The following PARN variants were observed in gnomAD, a reference collection of about 807,000 sequenced individuals.
The protein encoded by PARN is poly(A)-specific ribonuclease PARN.
In PARN, 71 loss-of-function variants were observed where a neutral mutation model predicts 102.8. The ratio of observed to expected loss-of-function variants is 0.69; its 90% CI spans 0.57 to 0.84. The LOEUF is 0.84. Among genes scored for constraint, PARN ranks in the 40% least tolerant of loss-of-function variants. The pLI, the probability that PARN is intolerant of heterozygous loss-of-function variation, is 0.00. For missense variants in PARN, 782 were observed against 760.9 expected (o/e 1.03, Z -0.33); for synonymous variants, 261 against 252.9 (o/e 1.03, Z -0.30).
At chr16:14,503,299 A>G (rs1432554577) in intron 21 of PARN, among the ~76,000 whole-genome samples, 1 of 152,210 alleles carries the variant, frequency 6.6e-6, no homozygotes, top group Non-Finnish European at 1.5e-5. Flanking sequence ...TAGGTGCACA[A>G]ACAACACTCA....
intron 12 of PARN, among the ~76,000 whole-genome samples, chr16:14,598,235 T>C (rs1311754267): frequency 6.6e-6 from 1 of 152,144 alleles, no homozygotes; most frequent in South Asian, 2.1e-4. Flanking sequence ...AAATTTTAAA[T>C]GTCCGGATCG....
At chr16:14,555,750 T>C in intron 18 of PARN, 41 bp from the exon 19 acceptor site, 1 of 1,048,906 alleles carries the variant, frequency 9.5e-7, no homozygotes, top group South Asian at 1.8e-5. Flanking sequence ...GCAATTTCCT[T>C]TAAAAGACAG....
intron 21 of PARN, among the ~76,000 whole-genome samples, chr16:14,503,350 A>G (rs775687028): frequency 2.2e-4 from 33 of 152,230 alleles, no homozygotes; most frequent in Non-Finnish European, 2.9e-5. Context: ...AGCAATTCTG[A>G]AAAGAGCTGA....
chr16:14,617,759 G>A (rs888821195), intron 5 of PARN, 109 bp from the exon 6 acceptor site: 2 of 724,528 alleles, frequency 2.8e-6, no homozygotes, highest in Non-Finnish European at 5.0e-6. Flanking sequence ...TGGGAAGGAA[G>A]CGATGTGCCA....
At chr16:14,623,601 C>T (rs1367357019) in intron 5 of PARN, among the ~76,000 whole-genome samples, 1 of 151,768 alleles carries the variant, frequency 6.6e-6, no homozygotes, top group Non-Finnish European at 1.5e-5. Context: ...CACTGGAAGG[C>T]CAAGGCGGGT....
intron 21 of PARN, among the ~76,000 whole-genome samples, chr16:14,535,978 C>G (rs1340815120): frequency 1.3e-5 from 2 of 151,966 alleles, no homozygotes; most frequent in East Asian, 1.9e-4. Flanking sequence ...TGCTGTGTTC[C>G]TTTACTTATT....
chr16:14,596,975 T>C (rs948435012), intron 12 of PARN, among the ~76,000 whole-genome samples: 1 of 152,012 alleles, frequency 6.6e-6, no homozygotes, highest in Non-Finnish European at 1.5e-5. Flanking sequence ...TCATTAGAGA[T>C]GGTATTTCAC....
chr16:14,594,152 A>G (rs1466951496), intron 12 of PARN, among the ~76,000 whole-genome samples: 1 of 152,194 alleles, frequency 6.6e-6, no homozygotes, highest in African/African-American at 2.4e-5. Context: ...AAAAATAACT[A>G]ATTTCTAACT....
Position 14,617,662 on chromosome 16 carries a change from T to TAAAC in PARN, c.328-16_328-13dup. 1 of 1,539,546 alleles carries TAAAC rather than the reference T, an allele frequency of 6.5e-7. No individual in the cohort carries two copies. ...TCAATGCTGGAGCTCTGAAACAGAG[T>TAAAC]AAACAGAACACATGTTTTGGGGATG... On this transcript the variant is annotated splice_polypyrimidine_tract_variant and intron_variant, in intron 5 of 23. Transcript: ENST00000437198.
At chr16:14,466,564 C>T (rs1005150048) in intron 22 of PARN, among the ~76,000 whole-genome samples, 17 of 152,150 alleles carry the variant, frequency 1.1e-4, no homozygotes, top group Non-Finnish European at 2.2e-4. Context: ...CCTTCTGGCT[C>T]CACAAGTCCA....
At chr16:14,588,636 T>A (rs1387088813) in intron 13 of PARN, among the ~76,000 whole-genome samples, 2 of 152,070 alleles carry the variant, frequency 1.3e-5, no homozygotes, top group Non-Finnish European at 2.9e-5. Flanking sequence ...CCCAGCACTT[T>A]GGAAAGCCGA....
chr16:14,616,374 T>C (rs1485314125), intron 6 of PARN, among the ~76,000 whole-genome samples: 1 of 152,200 alleles, frequency 6.6e-6, no homozygotes, highest in Non-Finnish European at 1.5e-5. Context: ...CTCTAGCAAG[T>C]TAGCCATTAT....
chr16:14,521,835 T>C (rs1295450051), intron 21 of PARN, among the ~76,000 whole-genome samples: 1 of 152,134 alleles, frequency 6.6e-6, no homozygotes, highest in Non-Finnish European at 1.5e-5. Context: ...CCACCACCTA[T>C]TGACGTTTCA....
chr16:14,439,717 T>A (rs1960865797), intron 23 of PARN, among the ~76,000 whole-genome samples: 1 of 152,092 alleles, frequency 6.6e-6, no homozygotes, highest in Non-Finnish European at 1.5e-5. Context: ...AAAGACACTG[T>A]TAAAATAATG....
At chr16:14,534,541 T>C (rs1596602012) in intron 21 of PARN, among the ~76,000 whole-genome samples, 2 of 152,172 alleles carry the variant, frequency 1.3e-5, no homozygotes, top group African/African-American at 2.4e-5. Context: ...AATGAGTTCA[T>C]TTCCCCCCCT....
At chr16:14,465,331 A>G (rs993602821) in intron 22 of PARN, among the ~76,000 whole-genome samples, 2 of 152,226 alleles carry the variant, frequency 1.3e-5, no homozygotes, top group South Asian at 2.1e-4. Flanking sequence ...GATCCTCCCA[A>G]TGTGGTCTCC....
intron 21 of PARN, among the ~76,000 whole-genome samples, chr16:14,525,567 C>T (rs1965952906): frequency 6.6e-6 from 1 of 152,136 alleles, no homozygotes; most frequent in Non-Finnish European, 1.5e-5. Context: ...TGCTGGGACA[C>T]AGGACCCTTC....
At chr16:14,475,653 G>T (rs367910934) in intron 22 of PARN, among the ~76,000 whole-genome samples, 1 of 152,186 alleles carries the variant, frequency 6.6e-6, no homozygotes, top group African/African-American at 2.4e-5. Flanking sequence ...GTAGAAGCTC[G>T]ACTGCTCTGA....
At chr16:14,520,569 T>G (rs896591176) in intron 21 of PARN, among the ~76,000 whole-genome samples, 1 of 151,970 alleles carries the variant, frequency 6.6e-6, no homozygotes, top group African/African-American at 2.4e-5. Context: ...TACAGGGACA[T>G]GCACCTGTAG....
Sources: allele counts gnomAD v4.1 joint callset (sites outside exome capture counted in the v4.1 genomes callset), GRCh38; gene constraint gnomAD v4.1.1; transcripts MANE v1.5; gene names NCBI Gene and HGNC (gene_info 2026-07-23, HGNC 2026-07-21).